Variants in FSIP2 observed in about 807,000 individuals in gnomAD.
The protein encoded by FSIP2 is fibrous sheath interacting protein 2.
Under a neutral mutation model 510.5 loss-of-function variants are expected in FSIP2, and 367 were observed. That is an observed-to-expected ratio of 0.72 (90% CI 0.66 to 0.78). The LOEUF (loss-of-function observed/expected upper bound fraction) is 0.78, where lower values mean the gene tolerates loss of function less well. Among genes scored for constraint, FSIP2 ranks in the 30% least tolerant of loss-of-function variants. The pLI, the probability that FSIP2 is intolerant of heterozygous loss-of-function variation, is 0.00. For synonymous variants in FSIP2, 2,601 were observed against 2,732.2 expected, an observed-to-expected ratio of 0.95 and a Z score of 1.50; for missense variants, 7,594 against 7,901.7, an observed-to-expected ratio of 0.96 and a Z score of 1.48.
chr2:185,807,787 A>T lies in FSIP2; in HGVS notation c.18481A>T (p.Thr6161Ser). 2 of 1,612,674 alleles carry T rather than the reference A, an allele frequency of 1.2e-6. No homozygotes were observed. The highest frequency in any genetic ancestry group is 1.7e-6 in the Non-Finnish European group (2 of 1,179,202). The change falls in exon 17 of 23, where the codon ACT becomes TCT. Residue 6161 changes from threonine (T) to serine (S), a missense_variant. By Grantham distance (58) the Thr-to-Ser change is moderately conservative. Coordinates refer to ENST00000424728, the MANE Select transcript of FSIP2 (RefSeq NM_173651.4). Reference sequence around the variant, plus strand: ...GATCCTTAAAGATGTTTTCCAAACTACTGATGTGCCCCTACCTAAACCTTC... The same window carrying T: ...GATCCTTAAAGATGTTTTCCAAACTTCTGATGTGCCCCTACCTAAACCTTC... ...EKILKDVFQT[T>S]DVPLPKPSHA...
chr2:185,790,171 T>TA lies in FSIP2; in HGVS notation c.3041dup (p.Asn1014LysfsTer4). ...GAAAATGAGGAAATAGACAATATTGTAAAAAATGTGCTTGATTCAACTTTC... is the reference window on the plus strand; with the variant it reads ...GAAAATGAGGAAATAGACAATATTGTAAAAAAATGTGCTTGATTCAACTTTC... On this transcript the variant is annotated frameshift_variant, in exon 16 of 23. Coordinates refer to ENST00000424728, the MANE Select transcript of FSIP2 (RefSeq NM_173651.4). LOFTEE classifies it high-confidence loss of function. 3 of 1,531,822 alleles carry TA rather than the reference T, an allele frequency of 2.0e-6. No individual in the cohort carries two copies. Among genetic ancestry groups the TA allele is most frequent in the Non-Finnish European group, 2.6e-6 (3 of 1,144,666 alleles). The allele number at this position is 1,531,822 out of a possible 1,614,324, so 94.9% of individuals were successfully genotyped here. A position where few individuals can be genotyped will look rare whatever the true frequency, so the allele number is the denominator to read the frequency against.
rs935329654 is a variant in FSIP2 at position 185,793,766 on chromosome 2, A to C, written c.6630A>C (p.Lys2210Asn). Residue 2210 changes from lysine (K) to asparagine (N), a missense_variant, in exon 16 of 23, where the codon AAA (lysine) becomes AAC (asparagine). Transcript: ENST00000424728. Reference sequence around the variant, plus strand: ...TTAAGGGGTCAAAAACTGAAAGAAAAACAGAGCGTTTTTCATATTCAAGAA... The same window carrying C: ...TTAAGGGGTCAAAAACTGAAAGAAACACAGAGCGTTTTTCATATTCAAGAA... ...QPLKGSKTER[K>N]TERFSYSRNQ... is the part of the protein sequence containing the mutation. 6.5e-7 allele frequency: 1 copy of C among 1,533,292 alleles called. No individual in the cohort carries two copies. The highest frequency in any genetic ancestry group is 8.7e-7 in the Non-Finnish European group (1 of 1,145,430). 95.0% of individuals were successfully genotyped at this position (1,533,292 alleles called of 1,614,324 possible).
intron 2 of FSIP2, among the ~76,000 whole-genome samples, chr2:185,739,915 A>T (rs898365034): frequency 3.3e-5 from 5 of 152,142 alleles, no homozygotes; most frequent in Non-Finnish European, 7.4e-5. Flanking sequence ...TCTATTTTAC[A>T]CATAAAGAAA....
intron 9 of FSIP2, among the ~76,000 whole-genome samples, chr2:185,758,578 G>A (rs1692291099): frequency 6.6e-6 from 1 of 151,106 alleles, no homozygotes; most frequent in Non-Finnish European, 1.5e-5. Flanking sequence ...CATCGTTAAG[G>A]TCTTCATCCT....
At chr2:185,814,838 A>C (rs181296957) in intron 18 of FSIP2, among the ~76,000 whole-genome samples, 22 of 152,146 alleles carry the variant, frequency 1.4e-4, no homozygotes, top group Non-Finnish European at 2.6e-4. Flanking sequence ...ACAACTTTTA[A>C]TTTTCTGATG....
chr2:185,803,629 T>A lies in FSIP2; in HGVS notation c.14323T>A (p.Ser4775Thr). Residue 4775 changes from serine to threonine, a missense_variant, in exon 17 of 23, where the codon TCA (serine) becomes ACA (threonine). By Grantham distance (58) the Ser-to-Thr change is moderately conservative. Coordinates refer to ENST00000424728, the MANE Select transcript of FSIP2 (RefSeq NM_173651.4). ...AAGAGTTCAATATGATATAAGTAAA[T>A]CAAGATTCCAAAGACAAGCTTCAAC... ...IQRVQYDISK[S>T]RFQRQASTMY... 2 of 1,528,932 alleles carry A rather than the reference T, an allele frequency of 1.3e-6. No homozygotes were observed. The highest frequency in any genetic ancestry group is 1.7e-6 in the Non-Finnish European group (2 of 1,143,454). The allele number at this position is 1,528,932 out of a possible 1,614,324, so 94.7% of individuals were successfully genotyped here.
chr2:185,785,667 A>C (rs1171689954), intron 14 of FSIP2, among the ~76,000 whole-genome samples: 1 of 152,050 alleles, frequency 6.6e-6, no homozygotes, highest in African/African-American at 2.4e-5. Context: ...AAATCTAACA[A>C]CACATGATAG....
rs1692419446 is a variant in FSIP2, at chr2:185,764,446, G to C, written c.1348-56G>C. 3.1e-6 allele frequency: 3 copies of C among 969,434 alleles called. No homozygotes were observed. The South Asian group carries it at 4.6e-5, about 15-fold the overall frequency. 60.1% of individuals were successfully genotyped at this position (969,434 alleles called of 1,614,324 possible). On this transcript the variant is annotated intron_variant, in intron 12 of 22. Coordinates refer to ENST00000424728, the MANE Select transcript of FSIP2 (RefSeq NM_173651.4). The stretch of plus-strand genomic sequence containing the variant: ...AATATAGAAATAATAGTTGATGTTT[G>C]AGTCCTAAAATTTTTTTTTGTGGAT...
rs1268988803 is a variant in FSIP2 at position 185,818,476 on chromosome 2, A to T, written c.20426+3005A>T. Among the ~76,000 whole-genome samples, 3 of 152,066 alleles carry T rather than the reference A, an allele frequency of 2.0e-5. No homozygotes were observed. In the South Asian group the frequency reaches 6.2e-4, roughly 32 times the overall value. On this transcript the variant is annotated intron_variant, in intron 19 of 22. Coordinates refer to ENST00000424728, the MANE Select transcript of FSIP2 (RefSeq NM_173651.4). ...TACATACACAAATAAAAGAAGCTTG[A>T]CAAACTTCAAGCAGAATGAACACAA...
In FSIP2 at chr2:185,790,247, A is replaced by G; in HGVS notation, c.3111A>G (p.Thr1037=). The part of the protein sequence containing the change: ...SQEQIPNHWF[T]KGNTCFECKR... ...AACAGATTCCTAATCATTGGTTTAC[A>G]AAGGGAAACACTTGTTTTGAATGCA... Residue 1037 remains threonine (T), a synonymous_variant, in exon 16 of 23, where the codon ACA becomes ACG. Coordinates refer to ENST00000424728, the MANE Select transcript of FSIP2 (RefSeq NM_173651.4). 1 of 1,532,768 alleles carries G rather than the reference A, an allele frequency of 6.5e-7. No homozygotes were observed. The allele number at this position is 1,532,768 out of a possible 1,614,324, so 94.9% of individuals were successfully genotyped here. A position where few individuals can be genotyped will look rare whatever the true frequency, so the allele number is the denominator to read the frequency against.
At chr2:185,765,673 C>A (rs922402424) in intron 13 of FSIP2, 1 of 151,860 alleles carries the variant, frequency 6.6e-6, no homozygotes, top group Non-Finnish European at 1.5e-5. Context: ...TTTTCCAATT[C>A]TGTGAAGAAA....
At chr2:185,744,860 T>A (rs1342899849) in intron 4 of FSIP2, 1 of 152,822 alleles carries the variant, frequency 6.5e-6, no homozygotes, top group East Asian at 1.9e-4. Context: ...AAAAATGTTG[T>A]TCTTGAATGT....
chr2:185,831,645 C>T (rs1694110786), intron 21 of FSIP2, among the ~76,000 whole-genome samples, 168 bp from the exon 22 acceptor site: 1 of 151,726 alleles, frequency 6.6e-6, no homozygotes, highest in Non-Finnish European at 1.5e-5. Context: ...AAATTATCAG[C>T]CTCAGTCTTA....
chr2:185,789,388 T>C lies in FSIP2; in HGVS notation c.2252T>C (p.Ile751Thr). ...GAAATCTTGCTTTCCAATGCTCATA[T>C]TCCCTCAGTTGCTTCTGAGATTGTG... ...EKEILLSNAH[I>T]PSVASEIVEN... Residue 751 changes from isoleucine to threonine, a missense_variant, in exon 16 of 23, where the codon ATT (isoleucine) becomes ACT (threonine). Physicochemically the swap from Ile to Thr is moderately conservative, Grantham distance 89. Transcript: ENST00000424728. The C allele has an allele frequency of 5.2e-6, 8 of 1,535,020 alleles. No individual in the cohort carries two copies. The highest frequency in any genetic ancestry group is 7.0e-6 in the Non-Finnish European group (8 of 1,145,964).
Position 185,805,891 on chromosome 2 carries a change from A to G in FSIP2, c.16585A>G (p.Thr5529Ala), listed in dbSNP as rs1693558681. 2.5e-6 allele frequency: 4 copies of G among 1,608,366 alleles called. No individual in the cohort carries two copies. Among genetic ancestry groups the G allele is most frequent in the Non-Finnish European group, 3.4e-6 (4 of 1,177,562 alleles). ...GGATGAAAATAAAGTGGGAATTTGT[A>G]CTCAAAAACATAGTGAGAATGTATC... is the stretch of plus-strand genomic sequence containing the variant. ...EVDENKVGIC[T>A]QKHSENVSKV... The change falls in exon 17 of 23, where the codon ACT becomes GCT. Residue 5529 changes from threonine (T) to alanine (A), a missense_variant. Thr to Ala is a moderately conservative substitution (Grantham distance 58). Coordinates refer to ENST00000424728, the MANE Select transcript of FSIP2 (RefSeq NM_173651.4).
At chr2:185,740,375 C>G (rs1281759103) in intron 2 of FSIP2, 1 of 152,176 alleles carries the variant, frequency 6.6e-6, no homozygotes, top group Non-Finnish European at 1.5e-5. Context: ...AACACCACAC[C>G]TACCCCCAAA....
chr2:185,810,342 G>A (rs1693698872), intron 17 of FSIP2, among the ~76,000 whole-genome samples: 1 of 151,824 alleles, frequency 6.6e-6, no homozygotes, highest in Admixed American at 6.6e-5. Context: ...TGCAAGATCT[G>A]GTCATTTAAA....
chr2:185,741,176 C>T (rs1200485107), intron 2 of FSIP2, among the ~76,000 whole-genome samples: 1 of 152,144 alleles, frequency 6.6e-6, no homozygotes, highest in African/African-American at 2.4e-5. Context: ...TATTATTTTA[C>T]TCTATTGCCA....
rs1219930095 is a variant in FSIP2 at position 185,792,425 on chromosome 2, C to G, written c.5289C>G (p.Asn1763Lys). 6.5e-7 allele frequency: 1 copy of G among 1,533,660 alleles called. No homozygotes were observed. Among genetic ancestry groups the G allele is most frequent in the Non-Finnish European group, 8.7e-7 (1 of 1,145,198 alleles). Residue 1763 changes from asparagine to lysine, a missense_variant, in exon 16 of 23, where the codon AAC becomes AAG. Coordinates refer to ENST00000424728, the MANE Select transcript of FSIP2 (RefSeq NM_173651.4). ...AATGGGCTCTCGAAAAAACCTTAAACAAAATTGAAGTAAAACTCAAAGAAC... is the reference window on the plus strand; with the variant it reads ...AATGGGCTCTCGAAAAAACCTTAAAGAAAATTGAAGTAAAACTCAAAGAAC... ...LKQWALEKTLNKIEVKLKEPH... is the reference protein window; with the variant it reads ...LKQWALEKTLKKIEVKLKEPH...
Sources: allele counts gnomAD v4.1 joint callset (sites outside exome capture counted in the v4.1 genomes callset), GRCh38; gene constraint gnomAD v4.1.1; transcripts MANE v1.5; gene names NCBI Gene and HGNC (gene_info 2026-07-23, HGNC 2026-07-21).